MGAT3: variants seen among roughly 807,000 people sequenced by gnomAD.
MGAT3 encodes GlcNAc-T III.
In MGAT3, 9 loss-of-function variants were observed where a neutral mutation model predicts 29.8. The ratio of observed to expected loss-of-function variants is 0.30; its 90% CI spans 0.18 to 0.53. The LOEUF (loss-of-function observed/expected upper bound fraction) is 0.53. Among genes scored for constraint, MGAT3 ranks in the 20% least tolerant of loss-of-function variants. The probability of loss-of-function intolerance (pLI) is 0.96; values close to 1 mark genes in which losing one functional copy is unlikely to be tolerated. For synonymous variants in MGAT3, 397 were observed against 348.9 expected (o/e 1.14, Z -1.54); for missense variants, 557 against 769.5 (o/e 0.72, Z 3.27).
chr22:39,488,352 C>G lies in MGAT3; in HGVS notation c.1005C>G (p.Gly335=), dbSNP rs142504494. The G allele has an allele frequency of 8.1e-3, 13,026 of 1,612,586 alleles. 66 individuals are homozygous for G. The highest frequency in any genetic ancestry group is 9.7e-3 in the Non-Finnish European group (11,456 of 1,180,020). The stretch of plus-strand genomic sequence containing the variant: ...TCCTTTTCCTCAAGCTCTACGATGG[C>G]TGGACCGAGCCCTTCGCCTTCCACA... ...DGVLFLKLYD[G]WTEPFAFHMR... The change falls in exon 2 of 2, where the codon GGC becomes GGG. Residue 335 remains glycine (G), a synonymous_variant. Coordinates refer to ENST00000341184, the MANE Select transcript of MGAT3 (RefSeq NM_002409.5).
At chr22:39,463,870 G>A (rs966826048) in intron 1 of MGAT3, among the ~76,000 whole-genome samples, 19 of 151,750 alleles carry the variant, frequency 1.3e-4, no homozygotes, top group African/African-American at 3.9e-4. Flanking sequence ...AGCTGAGATC[G>A]CACCACCACT....
chr22:39,476,139 T>C (rs1215423394), intron 1 of MGAT3, among the ~76,000 whole-genome samples: 2 of 145,384 alleles, frequency 1.4e-5, no homozygotes, highest in African/African-American at 2.6e-5. Flanking sequence ...TGGGATCAGC[T>C]GATGGGGATG....
At chr22:39,473,360 G>T (rs552198155) in intron 1 of MGAT3, among the ~76,000 whole-genome samples, 8 of 152,292 alleles carry the variant, frequency 5.3e-5, no homozygotes, top group African/African-American at 1.9e-4. Flanking sequence ...ACATGGAGAC[G>T]GGCAGGGCTG....
At chr22:39,462,443 C>T (rs1464467823) in intron 1 of MGAT3, among the ~76,000 whole-genome samples, 1 of 152,244 alleles carries the variant, frequency 6.6e-6, no homozygotes, top group Non-Finnish European at 1.5e-5. Context: ...GAATAATTCT[C>T]AGCCCAGGTG....
At chr22:39,483,238 T>A (rs900761326) in intron 1 of MGAT3, among the ~76,000 whole-genome samples, 37 of 152,114 alleles carry the variant, frequency 2.4e-4, no homozygotes, top group African/African-American at 8.5e-4. Flanking sequence ...CCCACACCTG[T>A]AATCCCAGCA....
chr22:39,470,686 T>C (rs1928783209), intron 1 of MGAT3, among the ~76,000 whole-genome samples: 1 of 152,126 alleles, frequency 6.6e-6, no homozygotes, highest in African/African-American at 2.4e-5. Context: ...CAGGCTTTCC[T>C]GCCCCTCTGC....
intron 1 of MGAT3, among the ~76,000 whole-genome samples, chr22:39,461,010 G>A (rs1395799088): frequency 6.6e-6 from 1 of 152,004 alleles, no homozygotes; most frequent in African/African-American, 2.4e-5. Context: ...CCCCTGCCCA[G>A]GGACCTGCCT....
In MGAT3 at chr22:39,491,529, G is replaced by T; in HGVS notation, c.*2580G>T. On this transcript the variant is annotated 3_prime_UTR_variant, in exon 2 of 2. Coordinates refer to ENST00000341184, the MANE Select transcript of MGAT3 (RefSeq NM_002409.5). This position sits in a 1 kb window ranked among gnomAD's most constrained non-coding sequence, Gnocchi z 5.5. The stretch of plus-strand genomic sequence containing the variant: ...GATGCCCCTCCAGGGCACCAGCTCA[G>T]GGCTAAGCGAAGGAAGATAGGAGCA... The T allele has an allele frequency of 6.0e-6, 1 of 166,592 alleles. No homozygotes were observed. The allele number at this position is 166,592 out of a possible 1,614,324, so 10.3% of individuals were successfully genotyped here.
Position 39,487,422 on chromosome 22 carries a change from C to T in MGAT3, c.75C>T (p.Phe25=), listed in dbSNP as rs1321598226. The T allele has an allele frequency of 1.2e-6, 2 of 1,613,742 alleles. No homozygotes were observed. Among genetic ancestry groups the T allele is most frequent in the Non-Finnish European group, 1.7e-6 (2 of 1,180,008 alleles). ...TGTGCCTCATCTCCTTCCTGCACTT[C>T]TTCAAGACCCTGTCCTATGTCACCT... ...AGLCLISFLH[F]FKTLSYVTFP... Residue 25 remains phenylalanine, a synonymous_variant, in exon 2 of 2, where the codon TTC becomes TTT. Transcript: ENST00000341184. The surrounding 1 kb of genome is among the most constrained non-coding windows in gnomAD (Gnocchi z 5.7).
intron 1 of MGAT3, among the ~76,000 whole-genome samples, chr22:39,459,160 A>G (rs1036278478): frequency 2.0e-5 from 3 of 149,830 alleles, no homozygotes; most frequent in East Asian, 1.9e-4. Context: ...TGCAACCTCT[A>G]CCTCCTGGGT....
At chr22:39,467,304 G>C (rs188656970) in intron 1 of MGAT3, among the ~76,000 whole-genome samples, 3 of 152,172 alleles carry the variant, frequency 2.0e-5, no homozygotes, top group African/African-American at 7.2e-5. Flanking sequence ...AGGGCAGGGG[G>C]TTGGGGCAGC....
chr22:39,478,621 A>G (rs1361643352), intron 1 of MGAT3, among the ~76,000 whole-genome samples: 1 of 152,196 alleles, frequency 6.6e-6, no homozygotes, highest in Non-Finnish European at 1.5e-5. Context: ...GGAGAGCTCC[A>G]CAGGAGCCGC....
chr22:39,465,822 C>T (rs1238376721), intron 1 of MGAT3, among the ~76,000 whole-genome samples: 1 of 151,744 alleles, frequency 6.6e-6, no homozygotes, highest in African/African-American at 2.4e-5. Flanking sequence ...ATCTCAGCTA[C>T]TCGGGAGGCT....
rs1016101880 is a variant in MGAT3 at position 39,491,911 on chromosome 22, T to G, written c.*2962T>G. ...CATCCGGGAAGCATGGCTGGCCTTA[T>G]CCACCCATGGGTCACGTCGGTTCCC... is the stretch of plus-strand genomic sequence containing the variant. On this transcript the variant is annotated 3_prime_UTR_variant, in exon 2 of 2. Coordinates refer to ENST00000341184, the MANE Select transcript of MGAT3 (RefSeq NM_002409.5). The surrounding 1 kb of genome is among the most constrained non-coding windows in gnomAD (Gnocchi z 5.5). The G allele has an allele frequency of 1.2e-5, 2 of 166,860 alleles. No individual in the cohort carries two copies. The highest frequency in any genetic ancestry group is 4.2e-4 in the South Asian group (2 of 4,804). 10.3% of individuals were successfully genotyped at this position (166,860 alleles called of 1,614,324 possible). A position where few individuals can be genotyped will look rare whatever the true frequency, so the allele number is the denominator to read the frequency against.
At position 39,479,848 on chromosome 22, in the gene MGAT3, T is replaced by C. The variant is rs146718586; in HGVS notation, c.-1-7499T>C. ...CCCAGGGCAGTGCGGGGTGATCTCA[T>C]TGAGCACCTGCTGTGTACATTCCCT... On this transcript the variant is annotated intron_variant, in intron 1 of 1. Transcript: ENST00000341184. Among the ~76,000 whole-genome samples, 327 of 152,288 alleles carry C rather than the reference T, an allele frequency of 2.1e-3. 1 individual carries two copies. The highest frequency in any genetic ancestry group is 7.3e-3 in the African/African-American group (304 of 41,566).
At chr22:39,481,975 A>G (rs1929141406) in intron 1 of MGAT3, among the ~76,000 whole-genome samples, 1 of 152,080 alleles carries the variant, frequency 6.6e-6, no homozygotes, top group Non-Finnish European at 1.5e-5. Flanking sequence ...TTTTGAGATA[A>G]GAGTCTCACT....
At chr22:39,463,587 A>T (rs1928555814) in intron 1 of MGAT3, among the ~76,000 whole-genome samples, 1 of 152,188 alleles carries the variant, frequency 6.6e-6, no homozygotes. Context: ...AGCCCTGCTG[A>T]GTGAGCATCT....
At chr22:39,466,668 G>C (rs1327217823) in intron 1 of MGAT3, among the ~76,000 whole-genome samples, 1 of 152,236 alleles carries the variant, frequency 6.6e-6, no homozygotes, top group African/African-American at 2.4e-5. Context: ...CTCCCAGACA[G>C]AGGTGCCCGC....
chr22:39,459,927 G>A (rs903197162), intron 1 of MGAT3, among the ~76,000 whole-genome samples: 3 of 152,262 alleles, frequency 2.0e-5, no homozygotes, highest in Admixed American at 6.5e-5. Flanking sequence ...ACTGGGCAGC[G>A]GCCATGAGAA....
Sources: allele counts gnomAD v4.1 joint callset (sites outside exome capture counted in the v4.1 genomes callset), GRCh38; gene constraint gnomAD v4.1.1; non-coding constraint Gnocchi (gnomAD v3.1); transcripts MANE v1.5; gene names NCBI Gene and HGNC (gene_info 2026-07-23, HGNC 2026-07-21).